COMMD1: variants seen among roughly 807,000 people sequenced by gnomAD.
COMMD1 encodes COMM domain-containing protein 1.
Under a neutral mutation model 17.2 loss-of-function variants are expected in COMMD1, and 10 were observed. That is an observed-to-expected ratio of 0.58 (90% CI 0.36 to 0.99). The LOEUF is 0.99. Ranked by LOEUF, COMMD1 falls within the 50% of genes least tolerant of loss-of-function variation. The pLI, the probability that COMMD1 is intolerant of heterozygous loss-of-function variation, is 0.01. For missense variants in COMMD1, 270 were observed against 231.8 expected, an observed-to-expected ratio of 1.17 and a Z score of -1.07; for synonymous variants, 97 against 91.6, an observed-to-expected ratio of 1.06 and a Z score of -0.34.
At chr2:61,970,701 G>T (rs915345660) in intron 1 of COMMD1, among the ~76,000 whole-genome samples, 1 of 152,134 alleles carries the variant, frequency 6.6e-6, no homozygotes, top group Non-Finnish European at 1.5e-5. Flanking sequence ...CCATGATAAA[G>T]AATATTTCCT....
intron 1 of COMMD1, among the ~76,000 whole-genome samples, chr2:61,994,301 T>C (rs554689731): frequency 6.6e-6 from 1 of 152,332 alleles, no homozygotes; most frequent in Non-Finnish European, 1.5e-5. Flanking sequence ...TTGTATTGAT[T>C]GGCATAGCCA....
chr2:62,099,607 C>T (rs1438043424), intron 2 of COMMD1, among the ~76,000 whole-genome samples: 1 of 151,336 alleles, frequency 6.6e-6, no homozygotes, highest in Non-Finnish European at 1.5e-5. Context: ...TGACCTGTGG[C>T]CTAAGGCTTT....
intron 2 of COMMD1, among the ~76,000 whole-genome samples, chr2:62,104,650 A>AAAAACAAT (rs2104028455): frequency 1.3e-5 from 2 of 151,642 alleles, no homozygotes; most frequent in South Asian, 4.2e-4. Flanking sequence ...AAAAAAAAAA[A>AAAAACAAT]AAAACAATAA....
At chr2:61,944,132 G>A (rs907733801) in intron 1 of COMMD1, among the ~76,000 whole-genome samples, 1 of 152,124 alleles carries the variant, frequency 6.6e-6, no homozygotes, top group African/African-American at 2.4e-5. Context: ...AATTGCAGGA[G>A]GAAAGGCAAT....
At chr2:61,984,129 A>G (rs1169673449) in intron 1 of COMMD1, among the ~76,000 whole-genome samples, 1 of 152,056 alleles carries the variant, frequency 6.6e-6, no homozygotes, top group Admixed American at 6.6e-5. Flanking sequence ...GGTTCAAGCG[A>G]TTCTCCCACC....
chr2:61,890,702 G>A (rs562970852), intron 1 of COMMD1, among the ~76,000 whole-genome samples: 1 of 151,694 alleles, frequency 6.6e-6, no homozygotes, highest in Non-Finnish European at 1.5e-5. Context: ...TTAACCGGGG[G>A]TGTAATCCCA....
At chr2:62,111,931 C>T (rs1672465661) in intron 2 of COMMD1, among the ~76,000 whole-genome samples, 1 of 152,130 alleles carries the variant, frequency 6.6e-6, no homozygotes, top group Non-Finnish European at 1.5e-5. Context: ...GGTTGGGAAG[C>T]ACTGCCTTAT....
chr2:62,081,649 C>T (rs1411358825), intron 2 of COMMD1, among the ~76,000 whole-genome samples: 2 of 152,118 alleles, frequency 1.3e-5, no homozygotes, highest in African/African-American at 4.8e-5. Flanking sequence ...TACTAGCTAT[C>T]TAGATTTCCT....
chr2:62,023,972 C>T (rs1265637407), intron 2 of COMMD1, among the ~76,000 whole-genome samples: 1 of 151,970 alleles, frequency 6.6e-6, no homozygotes, highest in Non-Finnish European at 1.5e-5. Flanking sequence ...AAATAATGTT[C>T]AGTGGAAGTA....
At chr2:61,914,670 A>G (rs1670004688) in intron 1 of COMMD1, among the ~76,000 whole-genome samples, 1 of 151,988 alleles carries the variant, frequency 6.6e-6, no homozygotes, top group African/African-American at 2.4e-5. Context: ...GTATTTCAGC[A>G]CTTTGATTTG....
At chr2:62,047,541 G>C (rs997775523) in intron 2 of COMMD1, among the ~76,000 whole-genome samples, 1 of 151,266 alleles carries the variant, frequency 6.6e-6, no homozygotes, top group African/African-American at 2.4e-5. Flanking sequence ...TGCAACCTCC[G>C]CCTCCTGGGT....
intron 1 of COMMD1, among the ~76,000 whole-genome samples, chr2:61,981,041 C>G (rs932143266): frequency 6.6e-6 from 1 of 152,028 alleles, no homozygotes; most frequent in African/African-American, 2.4e-5. Context: ...CCCTTTTATC[C>G]TGGTTATTAA....
chr2:62,081,872 T>C (rs1463754635), intron 2 of COMMD1, among the ~76,000 whole-genome samples: 1 of 152,238 alleles, frequency 6.6e-6, no homozygotes. Context: ...TGCTTTTATT[T>C]GAGGTTTCCT....
intron 1 of COMMD1, among the ~76,000 whole-genome samples, chr2:61,988,214 T>G (rs938891294): frequency 3.3e-5 from 5 of 152,074 alleles, no homozygotes; most frequent in Admixed American, 6.5e-5. Flanking sequence ...TTCCTTCTAC[T>G]TTTTTCAAGC....
At chr2:62,038,699 T>C (rs1264263196) in intron 2 of COMMD1, among the ~76,000 whole-genome samples, 1 of 152,000 alleles carries the variant, frequency 6.6e-6, no homozygotes, top group African/African-American at 2.4e-5. Context: ...CAGGCATACA[T>C]CACCACGCCT....
At chr2:62,106,124 A>G (rs769807794) in intron 2 of COMMD1, among the ~76,000 whole-genome samples, 101 of 152,326 alleles carry the variant, frequency 6.6e-4, no homozygotes, top group Non-Finnish European at 1.3e-3. Flanking sequence ...CAGACTTCCA[A>G]TGTGCTGATA....
chr2:61,994,739 T>C (rs1317190098), intron 1 of COMMD1, among the ~76,000 whole-genome samples: 1 of 152,162 alleles, frequency 6.6e-6, no homozygotes, highest in South Asian at 2.1e-4. Flanking sequence ...TCTCACTTCA[T>C]TCTATTTTCT....
intron 1 of COMMD1, among the ~76,000 whole-genome samples, chr2:61,892,228 G>A (rs1181647843): frequency 6.6e-6 from 1 of 151,892 alleles, no homozygotes; most frequent in Non-Finnish European, 1.5e-5. Context: ...AGGCATATGT[G>A]GGAATGTTGG....
intron 1 of COMMD1, among the ~76,000 whole-genome samples, chr2:61,899,612 C>G (rs1669617625): frequency 6.6e-6 from 1 of 152,188 alleles, no homozygotes; most frequent in South Asian, 2.1e-4. Context: ...TTTGCCTCTT[C>G]TACACATACA....
Sources: allele counts gnomAD v4.1 joint callset (sites outside exome capture counted in the v4.1 genomes callset), GRCh38; gene constraint gnomAD v4.1.1; transcripts MANE v1.5; gene names NCBI Gene and HGNC (gene_info 2026-07-23, HGNC 2026-07-21).